SLX4: variants seen among roughly 807,000 people sequenced by gnomAD.
SLX4 encodes SLX4 structure-specific endonuclease subunit, also known as structure-specific endonuclease subunit SLX4.
A neutral mutation model predicts 146.2 loss-of-function variants in SLX4; 112 were observed. The observed-to-expected ratio is 0.77, with a 90% CI of 0.66 to 0.90. The LOEUF is 0.90. Among genes scored for constraint, SLX4 ranks in the 40% least tolerant of loss-of-function variants. The pLI, the probability that SLX4 is intolerant of heterozygous loss-of-function variation, is 0.00. For missense variants in SLX4, 2,563 were observed against 2,392.7 expected (o/e 1.07, Z -1.49); for synonymous variants, 1,061 against 997.7 (o/e 1.06, Z -1.20).
Position 3,601,192 on chromosome 16 carries a change from C to G in SLX4, c.951-1G>C, listed in dbSNP as rs750371433. 3 of 1,614,024 alleles carry G rather than the reference C, an allele frequency of 1.9e-6. No homozygotes were observed. The highest frequency in any genetic ancestry group is 2.5e-6 in the Non-Finnish European group (3 of 1,180,036). On this transcript the variant is annotated splice_acceptor_variant, in intron 4 of 14. Transcript: ENST00000294008. LOFTEE classifies it high-confidence loss of function. ...TGTCTTTTCAGCTTCATCCAAGCAC[C>G]TGAAGGAAAACAGTCAATACAGGAG...
intron 12 of SLX4, among the ~76,000 whole-genome samples, chr16:3,586,009 A>G (rs990923602): frequency 6.6e-6 from 1 of 151,556 alleles, no homozygotes; most frequent in East Asian, 2.0e-4. Context: ...TCTCAAAACA[A>G]TAACAACAAC....
rs767241703 is a variant in SLX4, at chr16:3,589,590, C to T, written c.4048G>A (p.Gly1350Ser). ...HRSPSRPHPG[G>S]HPHSSPLAPH... The stretch of plus-strand genomic sequence containing the variant: ...GCCAGCGGAGAGGAGTGCGGGTGGC[C>T]CCCGGGGTGGGGACGGGAAGGGCTT... The change falls in exon 12 of 15, where the codon GGC (glycine) becomes AGC (serine). Residue 1350 changes from glycine (G) to serine (S), a missense_variant. Coordinates refer to ENST00000294008, the MANE Select transcript of SLX4 (RefSeq NM_032444.4). The surrounding 1 kb of genome is among the most constrained non-coding windows in gnomAD (Gnocchi z 6.2). 1.9e-6 allele frequency: 3 copies of T among 1,613,480 alleles called. No individual in the cohort carries two copies. Among genetic ancestry groups the T allele is most frequent in the East Asian group, 2.2e-5 (1 of 44,886 alleles).
Position 3,590,859 on chromosome 16 carries a change from C to A in SLX4, c.2779G>T (p.Ala927Ser). ...TGCTGGCCCTGGGGTGGCGGGAGAG[C>A]GCACTGTCCCATCTTCTCCCAGGTG... is the stretch of plus-strand genomic sequence containing the variant. ...ATTWEKMGQC[A>S]LPPPQGQHSG... The change falls in exon 12 of 15, where the codon GCT (alanine) becomes TCT (serine). Residue 927 changes from alanine (A) to serine (S), a missense_variant. By Grantham distance (99) the Ala-to-Ser change is moderately conservative. Coordinates refer to ENST00000294008, the MANE Select transcript of SLX4 (RefSeq NM_032444.4). The surrounding 1 kb of genome is among the most constrained non-coding windows in gnomAD (Gnocchi z 4.8). 6.2e-7 allele frequency: 1 copy of A among 1,614,076 alleles called. No homozygotes were observed. Among genetic ancestry groups the A allele is most frequent in the African/African-American group, 1.3e-5 (1 of 75,000 alleles).
At chr16:3,596,060 G>A in intron 8 of SLX4, 93 bp downstream of exon 8, 3 of 1,473,050 alleles carry the variant, frequency 2.0e-6, no homozygotes, top group Non-Finnish European at 2.7e-6. Flanking sequence ...TGCCGTCGCG[G>A]CGGCACAAGA....
In SLX4 at chr16:3,582,696, G is replaced by A. The variant is rs769895320; in HGVS notation, c.5154-3C>T. 4 of 1,610,276 alleles carry A rather than the reference G, an allele frequency of 2.5e-6. No homozygotes were observed. Among genetic ancestry groups the A allele is most frequent in the Non-Finnish European group, 1.7e-6 (2 of 1,179,496 alleles). On this transcript the variant is annotated splice_region_variant and splice_polypyrimidine_tract_variant and intron_variant, in intron 14 of 14. Coordinates refer to ENST00000294008, the MANE Select transcript of SLX4 (RefSeq NM_032444.4). ...CTCCAAACTCACAGGAGGAAGAACT[G>A]AAAAGAGCCAGACCAGGACGTTGTG...
At chr16:3,583,691 T>G (rs893118542) in intron 13 of SLX4, among the ~76,000 whole-genome samples, 181 bp from the exon 14 acceptor site, 3 of 152,212 alleles carry the variant, frequency 2.0e-5, no homozygotes, top group Non-Finnish European at 2.9e-5. Flanking sequence ...CAACTAAGCT[T>G]ACTCTGAATA....
Position 3,586,751 on chromosome 16 carries a change from G to A in SLX4, c.4637-1880C>T, listed in dbSNP as rs183753135. Among the ~76,000 whole-genome samples, 65 of 151,924 alleles carry A rather than the reference G, an allele frequency of 4.3e-4. 1 individual carries two copies. Among genetic ancestry groups the A allele is most frequent in the Admixed American group, 8.5e-4 (13 of 15,248 alleles). On this transcript the variant is annotated intron_variant, in intron 12 of 14. Coordinates refer to ENST00000294008, the MANE Select transcript of SLX4 (RefSeq NM_032444.4). The stretch of plus-strand genomic sequence containing the variant: ...GAGAATCGCTTGGACCCAGGAGGTG[G>A]AGGTTGCAGTGAGCCGAGATCGTGC...
At chr16:3,601,901 G>T in intron 4 of SLX4, 1 of 560,000 alleles carries the variant, frequency 1.8e-6, no homozygotes, top group Non-Finnish European at 3.2e-6. Flanking sequence ...CCAACTGTGT[G>T]AATATCCCAA....
At chr16:3,599,147 T>C (rs2040699832) in intron 5 of SLX4, among the ~76,000 whole-genome samples, 2 of 152,330 alleles carry the variant, frequency 1.3e-5, no homozygotes, top group South Asian at 4.1e-4. Context: ...AGATGACGTC[T>C]ATTCTAAGGC....
rs140417509 is a variant in SLX4 at position 3,583,347 on chromosome 16, T to C, written c.4903A>G (p.Lys1635Glu). 31 of 1,613,660 alleles carry C rather than the reference T, an allele frequency of 1.9e-5. No homozygotes were observed. The African/African-American group carries it at 3.5e-4, about 18-fold the overall frequency. The change falls in exon 14 of 15, where the codon AAG becomes GAG. Residue 1635 changes from lysine (K) to glutamate (E), a missense_variant. Coordinates refer to ENST00000294008, the MANE Select transcript of SLX4 (RefSeq NM_032444.4). ...HCQTLASQTY[K>E]PSRAGVHAQQ... ...GCATGGACCCCTGCCCTTGAAGGCT[T>C]GTAGGTCTGGGAGGCGAGGGTCTGG...
chr16:3,590,551 T>A lies in SLX4; in HGVS notation c.3087A>T (p.Pro1029=), dbSNP rs746254787. The A allele has an allele frequency of 6.8e-6, 11 of 1,612,334 alleles. No homozygotes were observed. The highest frequency in any genetic ancestry group is 2.2e-5 in the East Asian group (1 of 44,840). Residue 1029 remains proline (P), a synonymous_variant, in exon 12 of 15, where the codon CCA becomes CCT. Coordinates refer to ENST00000294008, the MANE Select transcript of SLX4 (RefSeq NM_032444.4). The surrounding 1 kb of genome is among the most constrained non-coding windows in gnomAD (Gnocchi z 4.8). ...SHRLAPWQAS[P]PHPCRFLLGP... The stretch of plus-strand genomic sequence containing the variant: ...CCAATAGGAAGCGGCACGGGTGCGG[T>A]GGAGATGCCTGCCAGGGAGCCAGGC...
intron 4 of SLX4, 49 bp downstream of exon 4, chr16:3,602,069 G>T (rs1428254793): frequency 6.2e-7 from 1 of 1,612,524 alleles, no homozygotes; most frequent in African/African-American, 1.3e-5. Flanking sequence ...GGGTGCTTGG[G>T]GATTCTGGTC....
intron 1 of SLX4, among the ~76,000 whole-genome samples, chr16:3,610,975 T>A (rs1467576050): frequency 6.6e-6 from 1 of 152,214 alleles, no homozygotes; most frequent in Admixed American, 6.5e-5. Flanking sequence ...TCCACAACTG[T>A]GTTGATCTCC....
chr16:3,610,880 T>C (rs2040856438), intron 1 of SLX4, among the ~76,000 whole-genome samples: 1 of 152,180 alleles, frequency 6.6e-6, no homozygotes, highest in East Asian at 1.9e-4. Flanking sequence ...AGGAAAGGAT[T>C]GGCTCACAAG....
Position 3,597,722 on chromosome 16 carries a change from C to T in SLX4, c.1367-27G>A, listed in dbSNP as rs2040679976. The stretch of plus-strand genomic sequence containing the variant: ...TAGAGAGAAACAAAAGCGACACCAT[C>T]AACGGTGGAGTCGGTCCACTCACCC... On this transcript the variant is annotated intron_variant, in intron 6 of 14. Coordinates refer to ENST00000294008, the MANE Select transcript of SLX4 (RefSeq NM_032444.4). This position sits in a 1 kb window ranked among gnomAD's most constrained non-coding sequence, Gnocchi z 4.4. The T allele has an allele frequency of 6.2e-7, 1 of 1,613,978 alleles. No homozygotes were observed. Among genetic ancestry groups the T allele is most frequent in the Non-Finnish European group, 8.5e-7 (1 of 1,180,020 alleles).
At position 3,590,416 on chromosome 16, in the gene SLX4, C is replaced by G. The variant is rs2151124013; in HGVS notation, c.3222G>C (p.Leu1074=). Residue 1074 remains leucine (L), a synonymous_variant, in exon 12 of 15, where the codon CTG becomes CTC. Coordinates refer to ENST00000294008, the MANE Select transcript of SLX4 (RefSeq NM_032444.4). The surrounding 1 kb of genome is among the most constrained non-coding windows in gnomAD (Gnocchi z 4.8). ...TCTGCTTTGATGGCACAGCTGGAGA[C>G]AGCAAGGTTGGGGAGCCCACCTGGG... The part of the protein sequence containing the change: ...GTSQVGSPTL[L]SPAVPSKQKR... The G allele has an allele frequency of 6.2e-7, 1 of 1,614,204 alleles. No homozygotes were observed. The highest frequency in any genetic ancestry group is 8.5e-7 in the Non-Finnish European group (1 of 1,180,038).
chr16:3,595,329 C>T (rs1304085826), intron 9 of SLX4, among the ~76,000 whole-genome samples: 1 of 152,240 alleles, frequency 6.6e-6, no homozygotes, highest in Non-Finnish European at 1.5e-5. Flanking sequence ...CAGGACAGGG[C>T]AGGCTCTGGG....
chr16:3,596,651 G>A (rs2040663016), intron 7 of SLX4, among the ~76,000 whole-genome samples: 1 of 152,206 alleles, frequency 6.6e-6, no homozygotes, highest in Admixed American at 6.5e-5. Context: ...ACAAAGGCTT[G>A]TCAGAGGCCA....
intron 1 of SLX4, among the ~76,000 whole-genome samples, chr16:3,610,427 T>G (rs1307092160): frequency 1.3e-5 from 2 of 152,198 alleles, no homozygotes; most frequent in Non-Finnish European, 2.9e-5. Context: ...ACAGGTAATA[T>G]CTATCGAATG....
Sources: allele counts gnomAD v4.1 joint callset (sites outside exome capture counted in the v4.1 genomes callset), GRCh38; gene constraint gnomAD v4.1.1; non-coding constraint Gnocchi (gnomAD v3.1); transcripts MANE v1.5; gene names NCBI Gene and HGNC (gene_info 2026-07-23, HGNC 2026-07-21).